The following FREM1 variants were observed in gnomAD, a reference collection of about 807,000 sequenced individuals.
FREM1 encodes the protein FRAS1 related extracellular matrix 1, also known as FRAS1-related extracellular matrix protein 1.
FREM1 carries 220 observed loss-of-function variants against 210.1 expected under a neutral mutation model. The ratio of observed to expected loss-of-function variants is 1.05; its 90% CI spans 0.94 to 1.17. The LOEUF (loss-of-function observed/expected upper bound fraction) is 1.17, where lower values mean the gene tolerates loss of function less well. Among genes scored for constraint, FREM1 ranks in the 50% most tolerant of loss-of-function variants. The pLI is 0.00. For synonymous variants in FREM1, 1,189 were observed against 980.2 expected, an observed-to-expected ratio of 1.21 and a Z score of -3.98; for missense variants, 3,454 against 2,675.5, an observed-to-expected ratio of 1.29 and a Z score of -6.42.
At position 14,823,275 on chromosome 9, in the gene FREM1, C is replaced by G. The variant is rs1445120117; in HGVS notation, c.2222G>C (p.Gly741Ala). The G allele has an allele frequency of 6.2e-7, 1 of 1,613,920 alleles. No homozygotes were observed. Among genetic ancestry groups the G allele is most frequent in the Non-Finnish European group, 8.5e-7 (1 of 1,179,854 alleles). ...GAACTGGACATCTCTGCAATGGGGA[C>G]CAATGTCTTGCATGGGGGGCATGTA... The part of the protein sequence containing the change: ...VAYMPPMQDI[G>A]PHCRDVQFTF... Residue 741 changes from glycine to alanine, a missense_variant, in exon 13 of 37, where the codon GGT becomes GCT. Transcript: ENST00000380880.
chr9:14,793,340 T>G (rs1046323946), intron 21 of FREM1, among the ~76,000 whole-genome samples: 5 of 152,216 alleles, frequency 3.3e-5, no homozygotes, highest in Non-Finnish European at 5.9e-5. Flanking sequence ...TATGCCATTC[T>G]GAGTTAGGTG....
At chr9:14,867,347 T>A (rs1377816595) in intron 2 of FREM1, among the ~76,000 whole-genome samples, 1 of 152,112 alleles carries the variant, frequency 6.6e-6, no homozygotes, top group African/African-American at 2.4e-5. Flanking sequence ...TAATTGGGAG[T>A]AACTGAGGAG....
rs781488861 is a variant in FREM1, at chr9:14,776,151, G to T, written c.4495C>A (p.Leu1499Met). 1.3e-5 allele frequency: 20 copies of T among 1,560,416 alleles called. No individual in the cohort carries two copies. In the South Asian group the frequency reaches 2.1e-4, roughly 16 times the overall value. The part of the protein sequence containing the change: ...RTEHGVFEIT[L>M]ETVDRALPVV... ...GGCAGGGCTCTGTCCACAGTCTCCAGTGTGATCTCAAACACCCCGTGCTCG... is the reference window on the plus strand; with the variant it reads ...GGCAGGGCTCTGTCCACAGTCTCCATTGTGATCTCAAACACCCCGTGCTCG... The change falls in exon 25 of 37, where the codon CTG becomes ATG. Residue 1499 changes from leucine to methionine, a missense_variant. By Grantham distance (15) the Leu-to-Met change is conservative (BLOSUM62 2). Coordinates refer to ENST00000380880, the MANE Select transcript of FREM1 (RefSeq NM_001379081.2).
At chr9:14,772,997 T>A (rs1264168255) in intron 25 of FREM1, among the ~76,000 whole-genome samples, 1 of 152,218 alleles carries the variant, frequency 6.6e-6, no homozygotes. Flanking sequence ...ATGTCTCTGG[T>A]CACATTAAAA....
At position 14,842,448 on chromosome 9, in the gene FREM1, G is replaced by A; in HGVS notation, c.1606C>T (p.Gln536Ter). The A allele has an allele frequency of 6.2e-7, 1 of 1,613,912 alleles. No individual in the cohort carries two copies. Among genetic ancestry groups the A allele is most frequent in the Middle Eastern group, 1.6e-4 (1 of 6,062 alleles). ...ATGGATCCCTGGATCAGGATGGTCT[G>A]CCCCTCCTCCAGTTCAATCACAACA... Reference protein sequence around the residue: ...TNVVIELEEGQTILIQGSMLR... With the variant: ...TNVVIELEEG The change falls in exon 9 of 37, where the codon CAG (glutamine) becomes TAG (stop). Residue 536 changes from glutamine to a stop codon, truncating the protein, a stop_gained. Transcript: ENST00000380880. LOFTEE classifies it high-confidence loss of function.
In FREM1 at chr9:14,857,867, G is replaced by C. The variant is rs1829083178; in HGVS notation, c.632-118C>G. On this transcript the variant is annotated intron_variant, in intron 4 of 36. Coordinates refer to ENST00000380880, the MANE Select transcript of FREM1 (RefSeq NM_001379081.2). ...CTCTCACTGCCTCAGGAACACTCAT[G>C]TACCTTCCAATCATTCACTGAGTGG... 9.7e-6 allele frequency: 6 copies of C among 615,994 alleles called. No individual in the cohort carries two copies. The Admixed American group carries it at 1.6e-4, about 17-fold the overall frequency. 38.2% of individuals were successfully genotyped at this position (615,994 alleles called of 1,614,324 possible). A position where few individuals can be genotyped will look rare whatever the true frequency, so the allele number is the denominator to read the frequency against.
Position 14,868,902 on chromosome 9 carries a change from T to C in FREM1, c.76A>G (p.Ile26Val). ...ACCCTCACCCCGCGGTTGATGCTGATGAAGGTGGGGCTGGCCCAGGCCAGG... is the reference window on the plus strand; with the variant it reads ...ACCCTCACCCCGCGGTTGATGCTGACGAAGGTGGGGCTGGCCCAGGCCAGG... ...LLLAWASPTF[I>V]SINRGVRVMK... The change falls in exon 2 of 37, where the codon ATC becomes GTC. Residue 26 changes from isoleucine (I) to valine (V), a missense_variant. Ile to Val is a conservative substitution (Grantham distance 29). Coordinates refer to ENST00000380880, the MANE Select transcript of FREM1 (RefSeq NM_001379081.2). 6.2e-7 allele frequency: 1 copy of C among 1,606,510 alleles called. No individual in the cohort carries two copies. Among genetic ancestry groups the C allele is most frequent in the Non-Finnish European group, 8.5e-7 (1 of 1,176,814 alleles).
At chr9:14,791,388 C>G (rs1851289318) in intron 22 of FREM1, among the ~76,000 whole-genome samples, 1 of 152,206 alleles carries the variant, frequency 6.6e-6, no homozygotes, top group African/African-American at 2.4e-5. Flanking sequence ...ATTAAAGCAT[C>G]TAATTTTGAG....
At position 14,836,233 on chromosome 9, in the gene FREM1, G is replaced by A. The variant is rs1199711278; in HGVS notation, c.1881+5214C>T. The stretch of plus-strand genomic sequence containing the variant: ...GTCCTCACTCTACTATTTGCAATAG[G>A]GTTATACACGGTAGCACCTTCAAAC... On this transcript the variant is annotated intron_variant, in intron 10 of 36. Transcript: ENST00000380880. This position sits in a 1 kb window ranked among gnomAD's most constrained non-coding sequence, Gnocchi z 4.9. Among the ~76,000 whole-genome samples the A allele has an allele frequency of 6.6e-6, 1 of 152,134 alleles. No homozygotes were observed. Among genetic ancestry groups the A allele is most frequent in the Non-Finnish European group, 1.5e-5 (1 of 68,028 alleles).
intron 20 of FREM1, 32 bp downstream of exon 20, chr9:14,801,620 T>C: frequency 7.0e-7 from 1 of 1,423,202 alleles, no homozygotes; most frequent in Non-Finnish European, 9.9e-7. Context: ...CAATCAACAA[T>C]AACAAATGCA....
chr9:14,748,873 T>G (rs189703638), intron 30 of FREM1, among the ~76,000 whole-genome samples: 81 of 152,324 alleles, frequency 5.3e-4, no homozygotes, highest in African/African-American at 1.9e-3. Context: ...GAAATCAATT[T>G]CATAAACCCC....
At chr9:14,793,030 A>G in intron 21 of FREM1, 146 bp from the exon 22 acceptor site, 1 of 568,536 alleles carries the variant, frequency 1.8e-6, no homozygotes, top group Non-Finnish European at 3.0e-6. Context: ...GACTAGTGAG[A>G]GGAATGAAAC....
In FREM1 at chr9:14,868,921, G is replaced by C. The variant is rs1241996034; in HGVS notation, c.57C>G (p.Ala19=). ...TGCTGATGAAGGTGGGGCTGGCCCAGGCCAGGAGGAGCAGCAGCAGCACGG... is the reference window on the plus strand; with the variant it reads ...TGCTGATGAAGGTGGGGCTGGCCCACGCCAGGAGGAGCAGCAGCAGCACGG... The part of the protein sequence containing the change: ...ANAVLLLLLL[A]WASPTFISIN... The change falls in exon 2 of 37, where the codon GCC becomes GCG. Residue 19 remains alanine, a synonymous_variant. Transcript: ENST00000380880. 1.9e-6 allele frequency: 3 copies of C among 1,604,124 alleles called. No homozygotes were observed.
chr9:14,870,505 T>C (rs184343902), intron 1 of FREM1, among the ~76,000 whole-genome samples: 203 of 152,284 alleles, frequency 1.3e-3, no homozygotes, highest in African/African-American at 4.8e-3. Flanking sequence ...TTTCTTAAAT[T>C]TAAAATGCCT....
At position 14,877,987 on chromosome 9, in the gene FREM1, C is replaced by T. The variant is rs144698771; in HGVS notation, c.-267-8743G>A. ...TCTTACTACCTCCATTGTGATCCCC[C>T]GGTCCAAGCCACCACCAAGTCTCTG... On this transcript the variant is annotated intron_variant, in intron 1 of 36. Coordinates refer to ENST00000380880, the MANE Select transcript of FREM1 (RefSeq NM_001379081.2). 1.4e-3 allele frequency among the ~76,000 whole-genome samples: 212 copies of T among 152,298 alleles called. 1 individual carries two copies. The highest frequency in any genetic ancestry group is 3.4e-3 in the Middle Eastern group (1 of 294).
chr9:14,750,075 A>T, intron 30 of FREM1, 52 bp downstream of exon 30: 7 of 1,585,900 alleles, frequency 4.4e-6, no homozygotes, highest in Non-Finnish European at 6.0e-6. Flanking sequence ...TGAAGGCAAG[A>T]GCTACAGCGC....
chr9:14,792,693 T>C (rs781769335), intron 22 of FREM1, 50 bp downstream of exon 22: 3 of 1,435,498 alleles, frequency 2.1e-6, no homozygotes, highest in Non-Finnish European at 2.8e-6. Flanking sequence ...ATTGAGAAGA[T>C]TTATACCTGC....
intron 7 of FREM1, among the ~76,000 whole-genome samples, chr9:14,846,346 C>T (rs527445546): frequency 6.6e-6 from 1 of 152,178 alleles, no homozygotes. Context: ...ACATCACACA[C>T]CAGAGCCTGT....
At chr9:14,887,863 T>C (rs1184789776) in intron 1 of FREM1, among the ~76,000 whole-genome samples, 1 of 152,166 alleles carries the variant, frequency 6.6e-6, no homozygotes, top group African/African-American at 2.4e-5. Flanking sequence ...AGTGGCACAA[T>C]CTCAGCTCAC....
Sources: allele counts gnomAD v4.1 joint callset (sites outside exome capture counted in the v4.1 genomes callset), GRCh38; gene constraint gnomAD v4.1.1; non-coding constraint Gnocchi (gnomAD v3.1); transcripts MANE v1.5; gene names NCBI Gene and HGNC (gene_info 2026-07-23, HGNC 2026-07-21).